The following GTF2F2 variants were observed in gnomAD, a reference collection of about 807,000 sequenced individuals.
The protein encoded by GTF2F2 is general transcription factor IIF subunit 2.
In GTF2F2, 23 loss-of-function variants were observed where a neutral mutation model predicts 42.2. The observed-to-expected ratio is 0.55, with a 90% CI of 0.39 to 0.77. The LOEUF (loss-of-function observed/expected upper bound fraction) is 0.77. GTF2F2 is among the 30% of genes least tolerant of loss of function. The probability of loss-of-function intolerance (pLI) is 0.00; values close to 1 mark genes in which losing one functional copy is unlikely to be tolerated. For missense variants in GTF2F2, 261 were observed against 287.2 expected, an observed-to-expected ratio of 0.91 and a Z score of 0.66; for synonymous variants, 105 against 100.8, an observed-to-expected ratio of 1.04 and a Z score of -0.25.
chr13:45,269,526 T>G (rs1753574520), intron 7 of GTF2F2, among the ~76,000 whole-genome samples: 1 of 152,184 alleles, frequency 6.6e-6, no homozygotes, highest in Non-Finnish European at 1.5e-5. Context: ...TATCCCCCTT[T>G]AAAAGGATTC....
chr13:45,151,911 CTTT>C (rs773005628), intron 4 of GTF2F2, 80 bp downstream of exon 4: 3,516 of 140,502 alleles, frequency 0.025, no homozygotes, highest in South Asian at 0.048. Context: ...CTCCTATTTG[CTTT>C]TTTTTTTTTT....
intron 4 of GTF2F2, among the ~76,000 whole-genome samples, chr13:45,189,642 C>T (rs948220553): frequency 1.3e-5 from 2 of 152,114 alleles, no homozygotes; most frequent in Non-Finnish European, 1.5e-5. Context: ...TTTGCAGTAC[C>T]ATTGAGGACA....
At chr13:45,207,264 C>T (rs997691334) in intron 4 of GTF2F2, 160 bp from the exon 5 acceptor site, 8 of 530,764 alleles carry the variant, frequency 1.5e-5, no homozygotes, top group Non-Finnish European at 2.3e-5. Flanking sequence ...AATAAGGCTT[C>T]TCTCTGTTCT....
intron 7 of GTF2F2, among the ~76,000 whole-genome samples, chr13:45,279,458 T>C (rs1877168646): frequency 1.3e-5 from 2 of 152,224 alleles, no homozygotes; most frequent in Admixed American, 1.3e-4. Flanking sequence ...GTTCTAAAAC[T>C]GAACTAGAAT....
chr13:45,177,770 C>T (rs550477196), intron 4 of GTF2F2, among the ~76,000 whole-genome samples: 14 of 152,152 alleles, frequency 9.2e-5, no homozygotes, highest in Admixed American at 2.0e-4. Context: ...CTAAGATCTA[C>T]GGTAAAAATG....
At chr13:45,210,199 G>A (rs61949178) in intron 5 of GTF2F2, among the ~76,000 whole-genome samples, 160 of 152,124 alleles carry the variant, frequency 1.1e-3, no homozygotes, top group Non-Finnish European at 1.9e-3. Context: ...TGATCTACAG[G>A]GTCCTATGTG....
chr13:45,256,792 T>C (rs1876121163), intron 6 of GTF2F2, among the ~76,000 whole-genome samples: 1 of 152,136 alleles, frequency 6.6e-6, no homozygotes, highest in South Asian at 2.1e-4. Flanking sequence ...ATAAAGACTT[T>C]TAATAAAAAA....
At chr13:45,244,260 T>C (rs893588047) in intron 5 of GTF2F2, among the ~76,000 whole-genome samples, 1 of 151,878 alleles carries the variant, frequency 6.6e-6, no homozygotes, top group African/African-American at 2.4e-5. Context: ...TTTTATTCTG[T>C]TATATGACCT....
chr13:45,270,428 G>T (rs1234318915), intron 7 of GTF2F2, among the ~76,000 whole-genome samples: 1 of 152,066 alleles, frequency 6.6e-6, no homozygotes, highest in African/African-American at 2.4e-5. Flanking sequence ...AGGATCAAAG[G>T]GCCACGTCTG....
At chr13:45,277,733 A>G (rs534954733) in intron 7 of GTF2F2, among the ~76,000 whole-genome samples, 1 of 152,366 alleles carries the variant, frequency 6.6e-6, no homozygotes, top group Non-Finnish European at 1.5e-5. Context: ...CACAAAAATC[A>G]TGTAAAGATG....
At chr13:45,236,530 A>ACACACACAC (rs1566145926) in intron 5 of GTF2F2, among the ~76,000 whole-genome samples, 4 of 138,726 alleles carry the variant, frequency 2.9e-5, no homozygotes, top group African/African-American at 1.1e-4. Flanking sequence ...CACACACACA[A>ACACACACAC]GTTTATGAGG....
intron 7 of GTF2F2, among the ~76,000 whole-genome samples, chr13:45,282,916 G>A (rs1877321342): frequency 6.6e-6 from 1 of 152,184 alleles, no homozygotes; most frequent in East Asian, 1.9e-4. Context: ...TAAGTGGGTG[G>A]CCTAAAAACA....
At chr13:45,269,186 T>G (rs9534084) in intron 7 of GTF2F2, among the ~76,000 whole-genome samples, 42,376 of 152,038 alleles carry the variant, frequency 0.28, 6,905 homozygotes, top group African/African-American at 0.43. Context: ...GCTATTCCTA[T>G]CCCTAAATAT....
intron 6 of GTF2F2, among the ~76,000 whole-genome samples, chr13:45,260,542 C>G (rs1187577340): frequency 6.6e-6 from 1 of 152,216 alleles, no homozygotes; most frequent in Non-Finnish European, 1.5e-5. Context: ...TTTACAAAGA[C>G]TGCCTTGACA....
chr13:45,234,249 T>C (rs9526053), intron 5 of GTF2F2, among the ~76,000 whole-genome samples: 4,067 of 152,336 alleles, frequency 0.027, 77 homozygotes, highest in Middle Eastern at 0.061. Context: ...ACCAGAGCTA[T>C]GTGAAGAATA....
At chr13:45,156,949 G>T (rs1398505837) in intron 4 of GTF2F2, among the ~76,000 whole-genome samples, 1 of 152,088 alleles carries the variant, frequency 6.6e-6, no homozygotes, top group Non-Finnish European at 1.5e-5. Context: ...TAGCCCTTGT[G>T]GTGCTTACAT....
chr13:45,249,178 G>GT (rs1166676181), intron 5 of GTF2F2, among the ~76,000 whole-genome samples: 4 of 152,166 alleles, frequency 2.6e-5, no homozygotes, highest in African/African-American at 9.7e-5. Flanking sequence ...GAATTATTTA[G>GT]TGTTAAGGAC....
chr13:45,255,905 A>C (rs1566152912), intron 6 of GTF2F2, among the ~76,000 whole-genome samples: 1 of 152,156 alleles, frequency 6.6e-6, no homozygotes, highest in Non-Finnish European at 1.5e-5. Context: ...GAAGTTTGGT[A>C]ATTTATGTCA....
chr13:45,173,006 T>C (rs1871672624), intron 4 of GTF2F2, among the ~76,000 whole-genome samples: 1 of 152,208 alleles, frequency 6.6e-6, no homozygotes, highest in Non-Finnish European at 1.5e-5. Flanking sequence ...AAAGTCCAGC[T>C]GGGATTTTGG....
Sources: allele counts gnomAD v4.1 joint callset (sites outside exome capture counted in the v4.1 genomes callset), GRCh38; gene constraint gnomAD v4.1.1; transcripts MANE v1.5; gene names NCBI Gene and HGNC (gene_info 2026-07-23, HGNC 2026-07-21).